CLIP2: variants seen among roughly 807,000 people sequenced by gnomAD.
CLIP2 encodes CAP-Gly domain-containing linker protein 2.
A neutral mutation model predicts 111.7 loss-of-function variants in CLIP2; 41 were observed. That is an observed-to-expected ratio of 0.37 (90% CI 0.29 to 0.48). CLIP2 has a LOEUF of 0.48. Among genes scored for constraint, CLIP2 ranks in the 20% least tolerant of loss-of-function variants. The pLI, the probability that CLIP2 is intolerant of heterozygous loss-of-function variation, is 0.99. For missense variants in CLIP2, 1,160 were observed against 1,422.1 expected (o/e 0.82, Z 2.96); for synonymous variants, 660 against 644.2 (o/e 1.02, Z -0.37).
intron 4 of CLIP2, among the ~76,000 whole-genome samples, chr7:74,355,603 C>G (rs1554308342): frequency 6.6e-6 from 1 of 152,088 alleles, no homozygotes. Flanking sequence ...GAGCCAGACC[C>G]TGTCTCGAAA....
intron 1 of CLIP2, among the ~76,000 whole-genome samples, chr7:74,312,302 T>A (rs1788661555): frequency 6.6e-6 from 1 of 152,010 alleles, no homozygotes; most frequent in Admixed American, 6.6e-5. Context: ...CTGTTTTCTC[T>A]GTGGGAGGGA....
chr7:74,389,386 C>G lies in CLIP2; in HGVS notation c.2720+127C>G, dbSNP rs557342385. 35 of 900,096 alleles carry G rather than the reference C, an allele frequency of 3.9e-5. No homozygotes were observed. The African/African-American group carries it at 5.3e-4, about 14-fold the overall frequency. 55.8% of individuals were successfully genotyped at this position (900,096 alleles called of 1,614,324 possible). On this transcript the variant is annotated intron_variant, in intron 13 of 16. Coordinates refer to ENST00000223398, the MANE Select transcript of CLIP2 (RefSeq NM_003388.5). ...AGCTGGTGGGCCAGGTGGCCGATCT[C>G]GAGCGATCACCCTGCTCTCCTCTAA...
chr7:74,311,773 A>G (rs1788645595), intron 1 of CLIP2, among the ~76,000 whole-genome samples: 2 of 151,670 alleles, frequency 1.3e-5, no homozygotes, highest in South Asian at 2.1e-4. Context: ...TTAGCCAGGC[A>G]TGGTAGGGTG....
chr7:74,352,745 C>A (rs1469061343), intron 3 of CLIP2, among the ~76,000 whole-genome samples: 3 of 149,558 alleles, frequency 2.0e-5, no homozygotes, highest in Admixed American at 6.7e-5. Context: ...TGGTGATTCA[C>A]ACCTATAAAT....
chr7:74,300,556 C>T (rs1473631688), intron 1 of CLIP2, among the ~76,000 whole-genome samples: 1 of 151,352 alleles, frequency 6.6e-6, no homozygotes, highest in Admixed American at 6.6e-5. Context: ...CCCAGGTTCA[C>T]GCCATTCTCC....
rs1019251571 is a variant in CLIP2 at position 74,328,816 on chromosome 7, G to A, written c.122-9632G>A. On this transcript the variant is annotated intron_variant, in intron 2 of 16. Transcript: ENST00000223398. ...CTGTCACCCAGGCTGGACTGCAGTGGTGCGATCATGGCTCACTGCAGCCTC... is the reference window on the plus strand; with the variant it reads ...CTGTCACCCAGGCTGGACTGCAGTGATGCGATCATGGCTCACTGCAGCCTC... Among the ~76,000 whole-genome samples, 4 of 151,936 alleles carry A rather than the reference G, an allele frequency of 2.6e-5. No homozygotes were observed. The East Asian group carries it at 7.7e-4, about 29-fold the overall frequency.
chr7:74,327,887 C>T (rs1050813949), intron 2 of CLIP2, among the ~76,000 whole-genome samples: 4 of 152,190 alleles, frequency 2.6e-5, no homozygotes, highest in Non-Finnish European at 5.9e-5. Context: ...CCATCCGGGC[C>T]GCTCTTGCCC....
intron 8 of CLIP2, among the ~76,000 whole-genome samples, chr7:74,366,294 C>T (rs115480534): frequency 0.01 from 1,573 of 152,238 alleles, 26 homozygotes; most frequent in African/African-American, 0.036. Flanking sequence ...TCTCCTCCTT[C>T]CTAATCTCTG....
At chr7:74,361,714 C>A (rs551404523) in intron 7 of CLIP2, among the ~76,000 whole-genome samples, 1 of 152,262 alleles carries the variant, frequency 6.6e-6, no homozygotes, top group East Asian at 1.9e-4. Context: ...TTTTACACAT[C>A]AGGAAACTGA....
At chr7:74,385,737 CTTTTTT>C (rs869087670) in intron 11 of CLIP2, among the ~76,000 whole-genome samples, 1 of 117,702 alleles carries the variant, frequency 8.5e-6, no homozygotes. Context: ...GTCGGGTCTT[CTTTTTT>C]TTTTTTTTTT....
chr7:74,348,881 T>C (rs1554306930), intron 3 of CLIP2, among the ~76,000 whole-genome samples: 1 of 151,630 alleles, frequency 6.6e-6, no homozygotes, highest in Non-Finnish European at 1.5e-5. Flanking sequence ...GCGTGATGGC[T>C]CATGCCTGTA....
chr7:74,339,051 C>A (rs987124506), intron 3 of CLIP2, 47 bp downstream of exon 3: 1 of 1,531,530 alleles, frequency 6.5e-7, no homozygotes, highest in Non-Finnish European at 8.8e-7. Flanking sequence ...CCCTTCCCTC[C>A]CCTGCTCCGC....
At chr7:74,375,820 T>C (rs1277832858) in intron 9 of CLIP2, 67 bp from the exon 10 acceptor site, 3 of 1,355,386 alleles carry the variant, frequency 2.2e-6, no homozygotes, top group Non-Finnish European at 2.9e-6. Flanking sequence ...GCCCCCACCA[T>C]TGTGCCCTCC....
At chr7:74,385,355 A>G (rs1791058667) in intron 11 of CLIP2, among the ~76,000 whole-genome samples, 1 of 151,118 alleles carries the variant, frequency 6.6e-6, no homozygotes, top group Non-Finnish European at 1.5e-5. Context: ...GGTCTCAGCT[A>G]CTCGGGAGGC....
chr7:74,291,799 G>A (rs778489376), intron 1 of CLIP2, among the ~76,000 whole-genome samples: 1 of 152,112 alleles, frequency 6.6e-6, no homozygotes, highest in Non-Finnish European at 1.5e-5. Flanking sequence ...GTGATAGAAA[G>A]GCCATCTCCC....
intron 16 of CLIP2, among the ~76,000 whole-genome samples, chr7:74,402,287 G>T (rs564009200): frequency 7.0e-6 from 1 of 142,800 alleles, no homozygotes; most frequent in Non-Finnish European, 1.5e-5. Flanking sequence ...CCGAGATCGC[G>T]CCACTGGACT....
chr7:74,385,310 T>C (rs538571091), intron 11 of CLIP2, among the ~76,000 whole-genome samples: 9 of 149,654 alleles, frequency 6.0e-5, no homozygotes, highest in African/African-American at 2.2e-4. Context: ...ATATAAAAAA[T>C]AAAAAATTAG....
At chr7:74,299,182 A>G (rs1390829550) in intron 1 of CLIP2, among the ~76,000 whole-genome samples, 1 of 151,968 alleles carries the variant, frequency 6.6e-6, no homozygotes, top group Non-Finnish European at 1.5e-5. Context: ...AAATACAAAA[A>G]TTAGCCAGGT....
At chr7:74,293,689 C>T (rs1405400157) in intron 1 of CLIP2, among the ~76,000 whole-genome samples, 1 of 152,158 alleles carries the variant, frequency 6.6e-6, no homozygotes, top group Non-Finnish European at 1.5e-5. Flanking sequence ...GGGAGGCAGA[C>T]CCGTGGTCAA....
Sources: gnomAD v4.1 joint callset for allele counts (sites outside exome capture counted in the v4.1 genomes callset) on GRCh38, gnomAD v4.1.1 for gene constraint, MANE v1.5 for transcripts, NCBI Gene and HGNC (gene_info 2026-07-23, HGNC 2026-07-21) for gene names.